Variants in TNRC18 observed in about 807,000 individuals in gnomAD.
The protein encoded by TNRC18 is trinucleotide repeat containing 18.
In TNRC18, 69 loss-of-function variants were observed where a neutral mutation model predicts 226.7. The observed-to-expected ratio is 0.30, with a 90% CI of 0.25 to 0.37. The LOEUF is 0.37. TNRC18 is among the 10% of genes least tolerant of loss of function. The probability of loss-of-function intolerance (pLI) is 1.00; values close to 1 mark genes in which losing one functional copy is unlikely to be tolerated. For missense variants in TNRC18, 4,754 were observed against 4,256.6 expected (o/e 1.12, Z -3.25); for synonymous variants, 2,449 against 1,927.6 (o/e 1.27, Z -7.09).
At chr7:5,362,582 C>T in intron 12 of TNRC18, 68 bp downstream of exon 12, 1 of 1,428,564 alleles carries the variant, frequency 7.0e-7, no homozygotes, top group Non-Finnish European at 9.3e-7. Flanking sequence ...CAGTAGGGCA[C>T]CTCCACAGAG....
At position 5,387,563 on chromosome 7, in the gene TNRC18, C is replaced by G. The variant is rs144659432; in HGVS notation, c.2152+109G>C. 1.9e-4 allele frequency: 269 copies of G among 1,446,626 alleles called. 1 individual carries two copies. In the Middle Eastern group the frequency reaches 2.2e-3, roughly 12 times the overall value. The allele number at this position is 1,446,626 out of a possible 1,614,324, so 89.6% of individuals were successfully genotyped here. Reference sequence around the variant, plus strand: ...TTCAAGACCATTTTAAAAAATGATACTTATAAAGACTTAGCAATAGCAAAG... The same window carrying G: ...TTCAAGACCATTTTAAAAAATGATAGTTATAAAGACTTAGCAATAGCAAAG... On this transcript the variant is annotated intron_variant, in intron 5 of 29. Coordinates refer to ENST00000430969, the MANE Select transcript of TNRC18 (RefSeq NM_001080495.3).
intron 2 of TNRC18, among the ~76,000 whole-genome samples, chr7:5,406,989 T>G (rs1781515567): frequency 6.6e-6 from 1 of 152,168 alleles, no homozygotes. Flanking sequence ...GCTAGGGCCT[T>G]GAACCCCTCA....
intron 18 of TNRC18, 45 bp downstream of exon 18, chr7:5,345,517 G>GGGGGGGGGGGGCGC: frequency 2.6e-6 from 1 of 377,744 alleles, no homozygotes. Context: ...AATGGCGTCC[G>GGGGGGGGGGGGCGC]CCCCTCCCAC....
chr7:5,417,189 T>C (rs1386553006), intron 2 of TNRC18, among the ~76,000 whole-genome samples: 2 of 146,146 alleles, frequency 1.4e-5, no homozygotes, highest in Admixed American at 1.4e-4. Flanking sequence ...CAAAATCAGC[T>C]GGGCGCAGTG....
chr7:5,344,803 G>C (rs981423108), intron 18 of TNRC18, among the ~76,000 whole-genome samples: 4 of 152,190 alleles, frequency 2.6e-5, no homozygotes, highest in Non-Finnish European at 5.9e-5. Flanking sequence ...CTGCGTCCGT[G>C]TGAGGGCACT....
intron 19 of TNRC18, among the ~76,000 whole-genome samples, chr7:5,326,763 C>T (rs1196458021): frequency 4.0e-5 from 6 of 150,698 alleles, no homozygotes; most frequent in South Asian, 2.1e-4. Context: ...GCCGAGATCG[C>T]GCCACCACAC....
chr7:5,415,741 G>A (rs1782143375), intron 2 of TNRC18, among the ~76,000 whole-genome samples: 2 of 151,910 alleles, frequency 1.3e-5, no homozygotes. Flanking sequence ...AACAATATGA[G>A]AAGCCCATCT....
intron 27 of TNRC18, among the ~76,000 whole-genome samples, chr7:5,311,052 G>A (rs1303265842): frequency 6.6e-6 from 1 of 152,270 alleles, no homozygotes; most frequent in African/African-American, 2.4e-5. Flanking sequence ...ATTTGTGTGG[G>A]TGTAGTGTAT....
intron 2 of TNRC18, among the ~76,000 whole-genome samples, chr7:5,398,091 C>T (rs894319122): frequency 8.5e-5 from 13 of 152,118 alleles, no homozygotes; most frequent in Non-Finnish European, 1.8e-4. Context: ...GCCTCCAACT[C>T]CTGAGCTCAA....
At position 5,391,837 on chromosome 7, in the gene TNRC18, A is replaced by T. The variant is rs1200875226; in HGVS notation, c.344-1209T>A. On this transcript the variant is annotated intron_variant, in intron 3 of 29. Transcript: ENST00000430969. The stretch of plus-strand genomic sequence containing the variant: ...CATAGTGTGACCCCATCTCTATTTA[A>T]AAAAAAAAAAAAAAAATTTAAATAG... Among the ~76,000 whole-genome samples, 3 of 46,916 alleles carry T rather than the reference A, an allele frequency of 6.4e-5. No homozygotes were observed. The African/African-American group carries it at 7.3e-4, about 11-fold the overall frequency. 30.8% of individuals were successfully genotyped at this position (46,916 alleles called of 152,430 possible).
At chr7:5,367,358 C>T (rs1304888489) in intron 11 of TNRC18, among the ~76,000 whole-genome samples, 1 of 151,880 alleles carries the variant, frequency 6.6e-6, no homozygotes, top group Non-Finnish European at 1.5e-5. Flanking sequence ...GAGGGAGATT[C>T]TGTCCCAGAA....
At chr7:5,384,295 C>T (rs1779604367) in intron 5 of TNRC18, among the ~76,000 whole-genome samples, 1 of 151,860 alleles carries the variant, frequency 6.6e-6, no homozygotes, top group African/African-American at 2.4e-5. Flanking sequence ...GAGACAAGGT[C>T]TTGCTAGGTC....
intron 5 of TNRC18, among the ~76,000 whole-genome samples, chr7:5,384,845 G>A (rs1453037700): frequency 6.6e-6 from 1 of 152,196 alleles, no homozygotes; most frequent in Non-Finnish European, 1.5e-5. Flanking sequence ...GGCTTCCCTG[G>A]CTCCAGGAGC....
At chr7:5,411,511 C>CT (rs1401527808) in intron 2 of TNRC18, among the ~76,000 whole-genome samples, 1 of 109,988 alleles carries the variant, frequency 9.1e-6, no homozygotes, top group African/African-American at 3.7e-5. Flanking sequence ...GAGCAAGACT[C>CT]TGTCAAAAAA....
At position 5,352,016 on chromosome 7, in the gene TNRC18, G is replaced by A. The variant is rs775492148; in HGVS notation, c.5273C>T (p.Pro1758Leu). The A allele has an allele frequency of 1.9e-6, 3 of 1,614,006 alleles. No individual in the cohort carries two copies. In the South Asian group the frequency reaches 3.3e-5, roughly 18 times the overall value. ...AQGPSSSKLTPSLLCSMVAKN... is the reference protein window; with the variant it reads ...AQGPSSSKLTLSLLCSMVAKN... ...TGCCACCATGCTACACAGGAGGGAAGGCGTCAGTTTGGAGCTGGAGGGGCC... is the reference window on the plus strand; with the variant it reads ...TGCCACCATGCTACACAGGAGGGAAAGCGTCAGTTTGGAGCTGGAGGGGCC... Residue 1758 changes from proline (P) to leucine (L), a missense_variant, in exon 17 of 30, where the codon CCT becomes CTT. Pro to Leu is a moderately conservative substitution (Grantham distance 98, BLOSUM62 -3). Transcript: ENST00000430969.
Position 5,345,543 on chromosome 7 carries a change from C to CCCCCCCCCCCCCCCCCCCCCCT in TNRC18, c.5719+18_5719+19insAGGGGGGGGGGGGGGGGGGGGG. 2 of 1,419,172 alleles carry CCCCCCCCCCCCCCCCCCCCCCT rather than the reference C, an allele frequency of 1.4e-6. No homozygotes were observed. The highest frequency in any genetic ancestry group is 1.9e-6 in the Non-Finnish European group (2 of 1,078,492). 87.9% of individuals were successfully genotyped at this position (1,419,172 alleles called of 1,614,324 possible). The stretch of plus-strand genomic sequence containing the variant: ...CCCCTCCCACCCACCCCCACCGCAG[C>CCCCCCCCCCCCCCCCCCCCCCT]CCACCTGCTGCCACTTACCCAGCAG... On this transcript the variant is annotated intron_variant, in intron 18 of 29. Coordinates refer to ENST00000430969, the MANE Select transcript of TNRC18 (RefSeq NM_001080495.3).
intron 18 of TNRC18, among the ~76,000 whole-genome samples, chr7:5,338,631 A>T (rs1406363438): frequency 6.7e-6 from 1 of 148,764 alleles, no homozygotes; most frequent in Non-Finnish European, 1.5e-5. Context: ...AAAAAAAAAA[A>T]AAAAAAGAGC....
rs1779048007 is a variant in TNRC18 at position 5,377,249 on chromosome 7, G to A, written c.2461+122C>T. ...ATCATTCCTTCTTCCGACGAATGCG[G>A]GAGGCAGGCCCAGGCCCCCCAGGAA... is the stretch of plus-strand genomic sequence containing the variant. On this transcript the variant is annotated intron_variant, in intron 7 of 29. Coordinates refer to ENST00000430969, the MANE Select transcript of TNRC18 (RefSeq NM_001080495.3). The surrounding 1 kb of genome is among the most constrained non-coding windows in gnomAD (Gnocchi z 5.8). The A allele has an allele frequency of 2.5e-6, 3 of 1,180,562 alleles. No homozygotes were observed. Among genetic ancestry groups the A allele is most frequent in the Non-Finnish European group, 3.5e-6 (3 of 856,418 alleles). The allele number at this position is 1,180,562 out of a possible 1,614,324, so 73.1% of individuals were successfully genotyped here.
chr7:5,419,096 C>T (rs1258041205), intron 2 of TNRC18, among the ~76,000 whole-genome samples: 1 of 152,240 alleles, frequency 6.6e-6, no homozygotes, highest in Non-Finnish European at 1.5e-5. Context: ...TGCGCAGAGG[C>T]AGGGCTCCGA....
Sources: gnomAD v4.1 joint callset for allele counts (sites outside exome capture counted in the v4.1 genomes callset) on GRCh38, gnomAD v4.1.1 for gene constraint, Gnocchi (gnomAD v3.1) non-coding constraint, MANE v1.5 for transcripts, NCBI Gene and HGNC (gene_info 2026-07-23, HGNC 2026-07-21) for gene names.